The following SPATA6 variants were observed in gnomAD, a reference collection of about 807,000 sequenced individuals.
SPATA6 encodes the protein spermatogenesis-associated protein 6.
A neutral mutation model predicts 65.3 loss-of-function variants in SPATA6; 56 were observed. That is an observed-to-expected ratio of 0.86 (90% CI 0.69 to 1.07). The LOEUF (loss-of-function observed/expected upper bound fraction) is 1.07. Ranked by LOEUF, SPATA6 falls within the 50% of genes least tolerant of loss-of-function variation. SPATA6 has a pLI of 0.00. For missense variants in SPATA6, 590 were observed against 594.8 expected, an observed-to-expected ratio of 0.99 and a Z score of 0.08; for synonymous variants, 199 against 213.2, an observed-to-expected ratio of 0.93 and a Z score of 0.58.
At chr1:48,276,224 T>C in the SPATA6 span, among the ~76,000 whole-genome samples, 6 of 152,226 alleles carry the variant, frequency 3.9e-5, no homozygotes, top group Admixed American at 6.5e-5. Context: ...GATTCTTCTC[T>C]TTTTTCTTCT....
At chr1:48,412,598 T>A (rs1652351535) in intron 4 of SPATA6, among the ~76,000 whole-genome samples, 1 of 152,214 alleles carries the variant, frequency 6.6e-6, no homozygotes, top group Non-Finnish European at 1.5e-5. Context: ...GACACTGTTC[T>A]CAACTTGGGA....
intron 3 of SPATA6, among the ~76,000 whole-genome samples, chr1:48,446,972 CTT>C (rs1392806469): frequency 1.3e-5 from 2 of 152,246 alleles, no homozygotes; most frequent in African/African-American, 4.8e-5. Flanking sequence ...AACCTCTTCT[CTT>C]TCTCTTCCTC....
chr1:48,272,502 A>G, the SPATA6 span, among the ~76,000 whole-genome samples: 1 of 152,280 alleles, frequency 6.6e-6, no homozygotes, highest in Admixed American at 6.5e-5. Flanking sequence ...ATGTAGTCAC[A>G]AATGGCAGGA....
intron 10 of SPATA6, among the ~76,000 whole-genome samples, chr1:48,358,200 G>A (rs991682263): frequency 5.1e-4 from 78 of 152,124 alleles, no homozygotes; most frequent in African/African-American, 1.8e-3. Context: ...ATCCAGAAAA[G>A]ACTGAGGTCA....
intron 12 of SPATA6, among the ~76,000 whole-genome samples, chr1:48,300,316 A>G (rs1644907507): frequency 6.6e-6 from 1 of 152,160 alleles, no homozygotes; most frequent in African/African-American, 2.4e-5. Flanking sequence ...CAGGCCTGTT[A>G]GAGATTGTAA....
chr1:48,299,031 G>C, intron 12 of SPATA6, 138 bp from the exon 13 acceptor site: 2 of 785,000 alleles, frequency 2.5e-6, no homozygotes, highest in Non-Finnish European at 3.7e-6. Context: ...ACAGAGTAAG[G>C]CCTGTGCTTT....
intron 9 of SPATA6, among the ~76,000 whole-genome samples, chr1:48,362,951 A>C (rs1420379570): frequency 6.6e-6 from 1 of 152,176 alleles, no homozygotes; most frequent in Non-Finnish European, 1.5e-5. Context: ...CTGCATATAA[A>C]GTACCAAACA....
intron 9 of SPATA6, among the ~76,000 whole-genome samples, chr1:48,371,522 G>A (rs1647286114): frequency 6.6e-6 from 1 of 152,182 alleles, no homozygotes; most frequent in South Asian, 2.1e-4. Flanking sequence ...AGCAAATTAA[G>A]TTTGAAATCA....
chr1:48,442,717 TAAAAAAAAAAA>T (rs71056669), intron 3 of SPATA6, among the ~76,000 whole-genome samples: 4 of 46,218 alleles, frequency 8.7e-5, no homozygotes, highest in Admixed American at 2.7e-4. Context: ...ATGGAAGTAG[TAAAAAAAAAAA>T]AAAAAAAAAA....
At chr1:48,364,336 C>T (rs1361248460) in intron 9 of SPATA6, among the ~76,000 whole-genome samples, 1 of 152,206 alleles carries the variant, frequency 6.6e-6, no homozygotes, top group East Asian at 1.9e-4. Flanking sequence ...ATGGCTGGGT[C>T]AAATGGTACT....
intron 1 of SPATA6, among the ~76,000 whole-genome samples, chr1:48,454,969 A>G (rs1656889623): frequency 6.6e-6 from 1 of 152,216 alleles, no homozygotes; most frequent in South Asian, 2.1e-4. Flanking sequence ...CCTTTTGTAC[A>G]TACTAATTAT....
At chr1:48,385,241 T>C (rs975601108) in intron 9 of SPATA6, 68 bp downstream of exon 9, 1 of 1,351,578 alleles carries the variant, frequency 7.4e-7, no homozygotes, top group Non-Finnish European at 1.0e-6. Context: ...TATACATATA[T>C]ATGAAATAGA....
intron 11 of SPATA6, among the ~76,000 whole-genome samples, chr1:48,326,955 C>T (rs546006456): frequency 5.9e-5 from 9 of 152,022 alleles, no homozygotes; most frequent in Non-Finnish European, 7.4e-5. Flanking sequence ...AAACAACTTA[C>T]GACAAAAACC....
chr1:48,426,426 A>C (rs1297758896), intron 3 of SPATA6, among the ~76,000 whole-genome samples: 2 of 152,104 alleles, frequency 1.3e-5, no homozygotes, highest in Non-Finnish European at 2.9e-5. Context: ...GCAGGATAAA[A>C]CCCAAGACAC....
chr1:48,414,551 CA>C (rs1652579473), intron 3 of SPATA6, among the ~76,000 whole-genome samples: 1 of 152,088 alleles, frequency 6.6e-6, no homozygotes, highest in African/African-American at 2.4e-5. Context: ...GCATTCCACA[CA>C]GGGGAAGGGA....
chr1:48,323,378 TGGACACAG>T (rs1331120317), intron 11 of SPATA6, among the ~76,000 whole-genome samples: 1 of 124,258 alleles, frequency 8.0e-6, no homozygotes. Flanking sequence ...TGAGAACACA[TGGACACAG>T]GGAGGGGAAC....
chr1:48,426,843 C>T (rs1653881837), intron 3 of SPATA6, among the ~76,000 whole-genome samples: 2 of 150,788 alleles, frequency 1.3e-5, no homozygotes, highest in South Asian at 4.2e-4. Context: ...AACTGAAGAA[C>T]TACATTAATC....
intron 5 of SPATA6, among the ~76,000 whole-genome samples, chr1:48,408,667 T>C (rs1651927310): frequency 6.6e-6 from 1 of 152,146 alleles, no homozygotes; most frequent in Non-Finnish European, 1.5e-5. Flanking sequence ...GAATGGGCAA[T>C]TTACAAAAGA....
intron 11 of SPATA6, among the ~76,000 whole-genome samples, chr1:48,318,069 G>T (rs577412997): frequency 6.4e-4 from 98 of 152,196 alleles, no homozygotes; most frequent in Non-Finnish European, 1.2e-3. Context: ...CATCTCAATA[G>T]ATGCAGGGAA....
Sources: allele counts gnomAD v4.1 joint callset (sites outside exome capture counted in the v4.1 genomes callset), GRCh38; gene constraint gnomAD v4.1.1; transcripts MANE v1.5; gene names NCBI Gene and HGNC (gene_info 2026-07-23, HGNC 2026-07-21).